The following CFAP20DC variants were observed in gnomAD, a reference collection of about 807,000 sequenced individuals.
The protein encoded by CFAP20DC is protein CFAP20DC.
Under a neutral mutation model 101.7 loss-of-function variants are expected in CFAP20DC, and 84 were observed. That is an observed-to-expected ratio of 0.83 (90% confidence interval 0.69 to 0.99). CFAP20DC has a LOEUF of 0.99. Ranked by LOEUF, CFAP20DC falls within the 50% of genes least tolerant of loss-of-function variation. The pLI, the probability that CFAP20DC is intolerant of heterozygous loss-of-function variation, is 0.00. For synonymous variants in CFAP20DC, 359 were observed against 351.2 expected (o/e 1.02, Z -0.25); for missense variants, 1,007 against 970.3 (o/e 1.04, Z -0.50).
chr3:58,737,445 G>A (rs2067783197), downstream of CFAP20DC, among the ~76,000 whole-genome samples: 1 of 152,124 alleles, frequency 6.6e-6, no homozygotes, highest in African/African-American at 2.4e-5. The surrounding 1 kb of genome is among the most constrained non-coding windows in gnomAD (Gnocchi z 4.1). Flanking sequence ...CTGGAGGAGT[G>A]ATCTACAGCA....
At chr3:58,920,587 T>C (rs1034710200) in intron 5 of CFAP20DC, among the ~76,000 whole-genome samples, 11 of 152,194 alleles carry the variant, frequency 7.2e-5, no homozygotes, top group African/African-American at 2.4e-4. Context: ...TCTGTATCTA[T>C]TGAGATAATC....
intron 4 of CFAP20DC, among the ~76,000 whole-genome samples, chr3:59,029,864 C>A (rs1162638028): frequency 2.0e-5 from 3 of 152,112 alleles, no homozygotes; most frequent in Non-Finnish European, 4.4e-5. Flanking sequence ...ATCAAATCCC[C>A]CATGCCTAAC....
At chr3:58,985,965 G>A (rs2108559557) in intron 4 of CFAP20DC, among the ~76,000 whole-genome samples, 1 of 152,292 alleles carries the variant, frequency 6.6e-6, no homozygotes, top group Non-Finnish European at 1.5e-5. Context: ...TGTCCAGACA[G>A]TTTTCTCTAA....
intron 14 of CFAP20DC, among the ~76,000 whole-genome samples, chr3:58,819,790 T>C (rs367931755): frequency 6.7e-6 from 1 of 148,522 alleles, no homozygotes; most frequent in African/African-American, 2.5e-5. Context: ...TAACTCATTT[T>C]ATGAGGCCAG....
intron 5 of CFAP20DC, among the ~76,000 whole-genome samples, chr3:58,915,083 T>C (rs936669350): frequency 2.0e-5 from 3 of 152,226 alleles, no homozygotes; most frequent in Admixed American, 6.5e-5. Flanking sequence ...TACAAAAGAA[T>C]GTGCAAAAGC....
chr3:58,950,068 C>G (rs1004197571), intron 4 of CFAP20DC, among the ~76,000 whole-genome samples: 1 of 152,202 alleles, frequency 6.6e-6, no homozygotes, highest in Non-Finnish European at 1.5e-5. Context: ...GCAACTTCAG[C>G]AAAGTCTCAG....
intron 12 of CFAP20DC, among the ~76,000 whole-genome samples, chr3:58,855,444 C>G (rs1672407013): frequency 6.6e-6 from 1 of 152,102 alleles, no homozygotes; most frequent in Admixed American, 6.6e-5. Flanking sequence ...CCTCAGGGAT[C>G]TAGAACTAGA....
At chr3:58,852,614 C>A (rs2078352960) in intron 12 of CFAP20DC, among the ~76,000 whole-genome samples, 1 of 150,774 alleles carries the variant, frequency 6.6e-6, no homozygotes, top group Non-Finnish European at 1.5e-5. Flanking sequence ...TGTAAAAGAA[C>A]AGAAATTATA....
At position 58,897,591 on chromosome 3, in the gene CFAP20DC, C is replaced by G. The variant is rs188900089; in HGVS notation, c.551-12882G>C. ...CAAGCCTCGTGGTGATGAGTTCCCT[C>G]AGCATTTGCTTGTCTGAAAATTATC... On this transcript the variant is annotated intron_variant, in intron 6 of 16. Coordinates refer to ENST00000482387, the MANE Select transcript of CFAP20DC (RefSeq NM_001394063.1). The surrounding 1 kb of genome is among the most constrained non-coding windows in gnomAD (Gnocchi z 4.4). 2.2e-4 allele frequency among the ~76,000 whole-genome samples: 34 copies of G among 152,326 alleles called. No individual in the cohort carries two copies. Among genetic ancestry groups the G allele is most frequent in the African/African-American group, 7.9e-4 (33 of 41,570 alleles).
At position 58,845,748 on chromosome 3, in the gene CFAP20DC, G is replaced by C. The variant is rs1208863937; in HGVS notation, c.1971+3284C>G. Among the ~76,000 whole-genome samples the C allele has an allele frequency of 1.3e-3, 190 of 149,842 alleles. 3 individuals carry two copies. The East Asian group carries it at 0.033, about 26-fold the overall frequency. ...TAGACCAATATCCTTGATGAACATT[G>C]ATGCAAAAATCCTCAATAAAATACT... is the stretch of plus-strand genomic sequence containing the variant. On this transcript the variant is annotated intron_variant, in intron 13 of 16. Transcript: ENST00000482387.
intron 14 of CFAP20DC, among the ~76,000 whole-genome samples, chr3:58,816,427 G>C (rs2075146237): frequency 6.6e-6 from 1 of 152,184 alleles, no homozygotes; most frequent in Non-Finnish European, 1.5e-5. Context: ...CAGGCCAGTG[G>C]GTGCGTGCAC....
At chr3:58,845,629 T>C (rs1484342301) in intron 13 of CFAP20DC, among the ~76,000 whole-genome samples, 1 of 152,032 alleles carries the variant, frequency 6.6e-6, no homozygotes, top group Non-Finnish European at 1.5e-5. Context: ...TTCCAATCAA[T>C]ACAAAAAGAG....
chr3:58,862,103 G>A (rs913832006), intron 12 of CFAP20DC: 2 of 948,660 alleles, frequency 2.1e-6, no homozygotes, highest in Non-Finnish European at 2.5e-6. Flanking sequence ...TGTATTTAAA[G>A]GGCAGATTAT....
chr3:58,745,776 G>A (rs1360456553), intron 16 of CFAP20DC, among the ~76,000 whole-genome samples: 1 of 152,154 alleles, frequency 6.6e-6, no homozygotes, highest in African/African-American at 2.4e-5. Context: ...ATAGAGGCAG[G>A]AAGGATGATG....
At chr3:58,747,016 G>C (rs1046209772) in intron 16 of CFAP20DC, among the ~76,000 whole-genome samples, 1 of 152,128 alleles carries the variant, frequency 6.6e-6, no homozygotes, top group African/African-American at 2.4e-5. Context: ...TTCTTGGATA[G>C]AGCTGAGTTT....
chr3:58,952,603 T>C (rs568774785), intron 4 of CFAP20DC, among the ~76,000 whole-genome samples: 1 of 152,224 alleles, frequency 6.6e-6, no homozygotes, highest in East Asian at 1.9e-4. Context: ...TCTCTATCAA[T>C]GTCCCAACCT....
chr3:58,846,263 T>A lies in CFAP20DC; in HGVS notation c.1971+2769A>T, dbSNP rs1257760615. On this transcript the variant is annotated intron_variant, in intron 13 of 16. Coordinates refer to ENST00000482387, the MANE Select transcript of CFAP20DC (RefSeq NM_001394063.1). ...ATGACATGATTGTATATCTAGAAAA[T>A]CCCATTGTCTCAGCCCAAAATCTCC... Among the ~76,000 whole-genome samples the A allele has an allele frequency of 1.9e-3, 295 of 151,742 alleles. 3 individuals carry two copies. Among genetic ancestry groups the A allele is most frequent in the African/African-American group, 7.0e-3 (288 of 41,260 alleles).
At chr3:58,890,078 A>G (rs2082026242) in intron 6 of CFAP20DC, among the ~76,000 whole-genome samples, 1 of 150,788 alleles carries the variant, frequency 6.6e-6, no homozygotes, top group South Asian at 2.1e-4. Context: ...CACACCTCCC[A>G]GACGGGGTGG....
At chr3:59,030,366 A>G (rs2093967356) in intron 4 of CFAP20DC, among the ~76,000 whole-genome samples, 1 of 152,210 alleles carries the variant, frequency 6.6e-6, no homozygotes, top group Non-Finnish European at 1.5e-5. Flanking sequence ...CTCTGTCACT[A>G]CTTCCTAAAA....
Sources: allele counts gnomAD v4.1 joint callset (sites outside exome capture counted in the v4.1 genomes callset), GRCh38; gene constraint gnomAD v4.1.1; non-coding constraint Gnocchi (gnomAD v3.1); transcripts MANE v1.5; gene names NCBI Gene and HGNC (gene_info 2026-07-23, HGNC 2026-07-21).